Variants in SIM1 observed in about 807,000 individuals in gnomAD.
The protein encoded by SIM1 is single-minded homolog 1.
In SIM1, 18 loss-of-function variants were observed where a neutral mutation model predicts 78.2. That is an observed-to-expected ratio of 0.23 (90% CI 0.16 to 0.34). SIM1 has a LOEUF of 0.34. SIM1 is among the 10% of genes least tolerant of loss of function. SIM1 has a pLI of 1.00. For synonymous variants in SIM1, 417 were observed against 385.2 expected (o/e 1.08, Z -0.97); for missense variants, 939 against 975.1 (o/e 0.96, Z 0.49).
chr6:100,433,096 C>G (rs1031378258), intron 9 of SIM1, among the ~76,000 whole-genome samples: 1 of 152,236 alleles, frequency 6.6e-6, no homozygotes, highest in East Asian at 1.9e-4. Context: ...CTTCCCTCAC[C>G]GAGGCAATTA....
chr6:100,394,244 A>C (rs1770717602), intron 10 of SIM1, among the ~76,000 whole-genome samples: 1 of 152,200 alleles, frequency 6.6e-6, no homozygotes, highest in African/African-American at 2.4e-5. Context: ...TCCCCAGTTT[A>C]GGGATAGAGA....
chr6:100,434,098 C>T (rs759169128), intron 9 of SIM1, among the ~76,000 whole-genome samples: 1 of 152,170 alleles, frequency 6.6e-6, no homozygotes. Flanking sequence ...TGCCATGTAA[C>T]GTCTGTAAAT....
At chr6:100,439,081 C>T (rs888848323) in intron 9 of SIM1, among the ~76,000 whole-genome samples, 51 of 152,024 alleles carry the variant, frequency 3.4e-4, no homozygotes, top group African/African-American at 1.1e-3. Flanking sequence ...TAACCAAAAA[C>T]CGTCTGTACC....
intron 9 of SIM1, among the ~76,000 whole-genome samples, chr6:100,436,575 A>G (rs893580633): frequency 6.6e-6 from 1 of 152,176 alleles, no homozygotes; most frequent in Non-Finnish European, 1.5e-5. Flanking sequence ...AATAATTCAC[A>G]TGTACTCAGT....
At chr6:100,402,099 G>T (rs1770929191) in intron 10 of SIM1, among the ~76,000 whole-genome samples, 1 of 152,060 alleles carries the variant, frequency 6.6e-6, no homozygotes, top group Non-Finnish European at 1.5e-5. Flanking sequence ...ATGTATAACA[G>T]CACTAAAAAA....
chr6:100,463,259 T>C (rs779105529), intron 2 of SIM1, 35 bp downstream of exon 2: 9 of 1,575,574 alleles, frequency 5.7e-6, no homozygotes, highest in African/African-American at 1.3e-5. Context: ...CGGCCCCTTC[T>C]GCCTTTGAAA....
At chr6:100,400,034 C>T (rs1770868024) in intron 10 of SIM1, among the ~76,000 whole-genome samples, 4 of 151,932 alleles carry the variant, frequency 2.6e-5, no homozygotes, top group African/African-American at 9.6e-5. Flanking sequence ...TTTTATGTTG[C>T]TAAAAGCCAG....
chr6:100,412,535 TAAGAAAGAAAGAAAGAAAGAAAAGAAAGA>T (rs1771217464), intron 10 of SIM1, among the ~76,000 whole-genome samples: 1 of 86,386 alleles, frequency 1.2e-5, no homozygotes, highest in Non-Finnish European at 2.2e-5. Flanking sequence ...AGACTCTGTC[TAAGAAAGAAAGAAAGAAAGAAAAGAAAGA>T]AAGAAAGAAA....
chr6:100,447,514 C>G, intron 8 of SIM1, 99 bp from the exon 9 acceptor site: 2 of 1,323,596 alleles, frequency 1.5e-6, no homozygotes, highest in Non-Finnish European at 2.1e-6. Context: ...TCCCTGTGGG[C>G]CCTAATAACT....
intron 10 of SIM1, among the ~76,000 whole-genome samples, chr6:100,401,114 C>T (rs1770903525): frequency 6.6e-6 from 1 of 152,092 alleles, no homozygotes; most frequent in African/African-American, 2.4e-5. Flanking sequence ...AAGACACAAC[C>T]TCACTAATGA....
At chr6:100,420,610 A>C (rs1771551151) in intron 10 of SIM1, among the ~76,000 whole-genome samples, 180 bp downstream of exon 10, 1 of 152,228 alleles carries the variant, frequency 6.6e-6, no homozygotes, top group Non-Finnish European at 1.5e-5. Flanking sequence ...AAATTATTTC[A>C]AAGTTATACT....
At chr6:100,456,671 T>C (rs943188551) in intron 2 of SIM1, among the ~76,000 whole-genome samples, 1 of 152,126 alleles carries the variant, frequency 6.6e-6, no homozygotes, top group African/African-American at 2.4e-5. Flanking sequence ...ATTTTGCTTC[T>C]CCCAGGCCCC....
At chr6:100,405,535 TTAATC>T (rs1771031513) in intron 10 of SIM1, among the ~76,000 whole-genome samples, 1 of 152,278 alleles carries the variant, frequency 6.6e-6, no homozygotes, top group East Asian at 1.9e-4. Context: ...CATTTATAGT[TTAATC>T]TATTATTTAT....
At chr6:100,414,935 C>A (rs1350871128) in intron 10 of SIM1, among the ~76,000 whole-genome samples, 1 of 152,166 alleles carries the variant, frequency 6.6e-6, no homozygotes, top group African/African-American at 2.4e-5. Flanking sequence ...TTTAAGGTAA[C>A]AGATGTGGAA....
chr6:100,398,440 T>G (rs1582606435), intron 10 of SIM1, among the ~76,000 whole-genome samples: 2 of 152,248 alleles, frequency 1.3e-5, no homozygotes, highest in African/African-American at 4.8e-5. Flanking sequence ...CATTCCGTCT[T>G]CCCTTCAGTT....
intron 9 of SIM1, among the ~76,000 whole-genome samples, chr6:100,435,994 T>TCACACA (rs3836990): frequency 6.6e-6 from 1 of 150,470 alleles, no homozygotes; most frequent in African/African-American, 2.4e-5. Context: ...ACCATACACA[T>TCACACA]CACACACACA....
intron 10 of SIM1, among the ~76,000 whole-genome samples, chr6:100,418,359 AAAAT>A (rs6149720): frequency 1.0e-3 from 146 of 145,484 alleles, no homozygotes; most frequent in African/African-American, 3.1e-3. Flanking sequence ...CCTGTCTCCA[AAAAT>A]AAATAAATAA....
intron 9 of SIM1, among the ~76,000 whole-genome samples, chr6:100,434,715 G>A (rs1456543607): frequency 6.6e-6 from 1 of 152,198 alleles, no homozygotes; most frequent in Non-Finnish European, 1.5e-5. Context: ...TGTAAAAAGT[G>A]GCAAGGGACT....
intron 2 of SIM1, among the ~76,000 whole-genome samples, chr6:100,457,150 C>T (rs763909503): frequency 1.3e-4 from 20 of 152,190 alleles, no homozygotes; most frequent in Non-Finnish European, 2.6e-4. Flanking sequence ...ATTACAGACC[C>T]GACATCATCA....
Sources: allele counts gnomAD v4.1 joint callset (sites outside exome capture counted in the v4.1 genomes callset), GRCh38; gene constraint gnomAD v4.1.1; transcripts MANE v1.5; gene names NCBI Gene and HGNC (gene_info 2026-07-23, HGNC 2026-07-21).